Variants in PEBP4 observed in about 807,000 individuals in gnomAD.
The protein encoded by PEBP4 is phosphatidylethanolamine-binding protein 4.
A neutral mutation model predicts 23.9 loss-of-function variants in PEBP4; 22 were observed. The ratio of observed to expected loss-of-function variants is 0.92; its 90% CI spans 0.66 to 1.31. The LOEUF is 1.31. Among genes scored for constraint, PEBP4 ranks in the 40% most tolerant of loss-of-function variants. PEBP4 has a pLI of 0.00. For missense variants in PEBP4, 324 were observed against 281.7 expected, an observed-to-expected ratio of 1.15 and a Z score of -1.07; for synonymous variants, 112 against 99.3, an observed-to-expected ratio of 1.13 and a Z score of -0.76.
chr8:22,869,572 C>A (rs1303274415), intron 3 of PEBP4, among the ~76,000 whole-genome samples: 1 of 152,182 alleles, frequency 6.6e-6, no homozygotes, highest in Non-Finnish European at 1.5e-5. Flanking sequence ...TCATAAGGAG[C>A]TGTGAATCTG....
intron 4 of PEBP4, among the ~76,000 whole-genome samples, chr8:22,741,055 C>G (rs1005892432): frequency 3.3e-5 from 5 of 152,108 alleles, no homozygotes; most frequent in African/African-American, 1.2e-4. Context: ...ATGGAAGAGG[C>G]GAGAGAAGAG....
At chr8:22,876,221 A>G (rs1808119048) in intron 3 of PEBP4, among the ~76,000 whole-genome samples, 1 of 152,164 alleles carries the variant, frequency 6.6e-6, no homozygotes, top group African/African-American at 2.4e-5. Context: ...GACAGATGTC[A>G]CCTGTTTTGC....
chr8:22,746,457 C>T (rs1324524168), intron 4 of PEBP4, among the ~76,000 whole-genome samples: 2 of 152,062 alleles, frequency 1.3e-5, no homozygotes, highest in South Asian at 2.1e-4. Flanking sequence ...TTAGTCTCCT[C>T]GCGTTTGGTC....
intron 3 of PEBP4, among the ~76,000 whole-genome samples, chr8:22,857,377 C>T (rs1049853803): frequency 1.3e-5 from 2 of 152,194 alleles, no homozygotes; most frequent in African/African-American, 2.4e-5. Context: ...CTTCTCTCAG[C>T]CTCTTGCTCC....
chr8:22,776,844 G>A (rs1004535113), intron 4 of PEBP4, among the ~76,000 whole-genome samples: 6 of 150,544 alleles, frequency 4.0e-5, no homozygotes, highest in African/African-American at 1.2e-4. Flanking sequence ...TCAGAGCAGC[G>A]CTGAAGTGAA....
chr8:22,920,516 C>T (rs1057098976), intron 2 of PEBP4, among the ~76,000 whole-genome samples: 9 of 152,184 alleles, frequency 5.9e-5, no homozygotes, highest in Middle Eastern at 3.2e-3. Flanking sequence ...CTAATAATTC[C>T]TCCCTCATGG....
chr8:22,801,660 A>G (rs1429146159), intron 4 of PEBP4, among the ~76,000 whole-genome samples: 1 of 152,128 alleles, frequency 6.6e-6, no homozygotes, highest in African/African-American at 2.4e-5. Flanking sequence ...CCCCTTGGGA[A>G]ATGGTTTTGC....
At chr8:22,752,056 C>T (rs1585253748) in intron 4 of PEBP4, among the ~76,000 whole-genome samples, 1 of 152,294 alleles carries the variant, frequency 6.6e-6, no homozygotes, top group East Asian at 1.9e-4. Flanking sequence ...ACCACCATGC[C>T]TGGCTAATTT....
At chr8:22,737,873 C>T (rs1191017514) in intron 4 of PEBP4, among the ~76,000 whole-genome samples, 7 of 152,100 alleles carry the variant, frequency 4.6e-5, no homozygotes, top group Admixed American at 1.3e-4. Flanking sequence ...CCCGCAGCGC[C>T]GTCCAAGTGT....
At chr8:22,792,289 C>T (rs2128757109) in intron 4 of PEBP4, among the ~76,000 whole-genome samples, 1 of 152,166 alleles carries the variant, frequency 6.6e-6, no homozygotes, top group South Asian at 2.1e-4. Flanking sequence ...TGCAATATTC[C>T]AAACAAAGGT....
chr8:22,867,349 C>T (rs953624824), intron 3 of PEBP4, among the ~76,000 whole-genome samples: 2 of 152,234 alleles, frequency 1.3e-5, no homozygotes, highest in South Asian at 2.1e-4. Flanking sequence ...TAATCGGGCC[C>T]GCTTCATAAC....
intron 4 of PEBP4, among the ~76,000 whole-genome samples, chr8:22,808,289 C>A: frequency 6.6e-6 from 1 of 152,210 alleles, no homozygotes; most frequent in East Asian, 1.9e-4. Context: ...CCACCAACCA[C>A]CCACCTATTC....
chr8:22,778,220 C>T (rs972566638), intron 4 of PEBP4, among the ~76,000 whole-genome samples: 4 of 151,920 alleles, frequency 2.6e-5, no homozygotes, highest in Non-Finnish European at 5.9e-5. Flanking sequence ...TGCTTGGGCT[C>T]GGCACAGGTA....
At chr8:22,763,419 A>G (rs1214332513) in intron 4 of PEBP4, among the ~76,000 whole-genome samples, 1 of 152,244 alleles carries the variant, frequency 6.6e-6, no homozygotes, top group Non-Finnish European at 1.5e-5. Context: ...GACAGCGGTC[A>G]GATCATCACT....
At chr8:22,921,026 G>C (rs1036763450) in intron 2 of PEBP4, among the ~76,000 whole-genome samples, 1 of 152,240 alleles carries the variant, frequency 6.6e-6, no homozygotes, top group African/African-American at 2.4e-5. Context: ...CTTCCTGGAA[G>C]GGAAGAAAAT....
At chr8:22,938,837 T>A (rs1313586025) in intron 1 of PEBP4, among the ~76,000 whole-genome samples, 1 of 152,234 alleles carries the variant, frequency 6.6e-6, no homozygotes, top group Non-Finnish European at 1.5e-5. Context: ...CATTTGTCTC[T>A]GCATTCCCCA....
rs370156361 is a variant in PEBP4, at chr8:22,808,147, CTCCA to C, written c.357+9486_357+9489del. The stretch of plus-strand genomic sequence containing the variant: ...CCAACTTCCACCCATCCATTCATCA[CTCCA>C]TCCATCCATCTATCCATGCATCTGT... On this transcript the variant is annotated intron_variant, in intron 4 of 6. Coordinates refer to ENST00000256404, the MANE Select transcript of PEBP4 (RefSeq NM_144962.3). Among the ~76,000 whole-genome samples, 971 of 151,408 alleles carry C rather than the reference CTCCA, an allele frequency of 6.4e-3. 9 individuals are homozygous for C. The highest frequency in any genetic ancestry group is 0.022 in the African/African-American group (894 of 41,268).
intron 4 of PEBP4, among the ~76,000 whole-genome samples, chr8:22,760,414 T>C (rs1016569078): frequency 1.1e-4 from 17 of 152,188 alleles, no homozygotes; most frequent in Non-Finnish European, 2.4e-4. Context: ...AGACCATGAC[T>C]TATTTATCTT....
chr8:22,778,837 C>T (rs990531092), intron 4 of PEBP4, among the ~76,000 whole-genome samples: 3 of 152,086 alleles, frequency 2.0e-5, no homozygotes, highest in African/African-American at 7.2e-5. Context: ...GGGGATTTTT[C>T]GGGGTAAGTA....
Sources: allele counts gnomAD v4.1 joint callset (sites outside exome capture counted in the v4.1 genomes callset), GRCh38; gene constraint gnomAD v4.1.1; transcripts MANE v1.5; gene names NCBI Gene and HGNC (gene_info 2026-07-23, HGNC 2026-07-21).